CAMSAP2: variants seen among roughly 807,000 people sequenced by gnomAD.
The protein encoded by CAMSAP2 is calmodulin-regulated spectrin-associated protein 2.
Under a neutral mutation model 146.1 loss-of-function variants are expected in CAMSAP2, and 26 were observed. The ratio of observed to expected loss-of-function variants is 0.18; its 90% CI spans 0.13 to 0.25. The LOEUF is 0.25. CAMSAP2 is among the 10% of genes least tolerant of loss of function. The probability of loss-of-function intolerance (pLI) is 1.00; values close to 1 mark genes in which losing one functional copy is unlikely to be tolerated. For synonymous variants in CAMSAP2, 499 were observed against 596.6 expected (o/e 0.84, Z 2.38); for missense variants, 1,381 against 1,759.3 (o/e 0.78, Z 3.85).
intron 2 of CAMSAP2, among the ~76,000 whole-genome samples, chr1:200,766,178 C>G (rs1358591184): frequency 1.4e-5 from 2 of 147,048 alleles, no homozygotes; most frequent in East Asian, 2.0e-4. Context: ...GGATCTCACT[C>G]TGTTGCCCAG....
rs767625939 is a variant in CAMSAP2, at chr1:200,815,634, G to C, written c.635G>C (p.Gly212Ala). The change falls in exon 4 of 17, where the codon GGA becomes GCA. Residue 212 changes from glycine (G) to alanine (A), a missense_variant. By Grantham distance (60) the Gly-to-Ala change is moderately conservative. Coordinates refer to ENST00000358823, the MANE Select transcript of CAMSAP2 (RefSeq NM_203459.4). ...LKEHHTVEAP[G>A]GQKARYRKEQ... is the part of the protein sequence containing the mutation. ...GAACATCACACAGTTGAAGCTCCAG[G>C]AGGTCAAAAGGTATTTATTTCAAAA... 9.0e-6 allele frequency: 14 copies of C among 1,561,534 alleles called. No individual in the cohort carries two copies. The highest frequency in any genetic ancestry group is 1.7e-4 in the Middle Eastern group (1 of 5,880).
chr1:200,762,962 C>T (rs1374693287), intron 2 of CAMSAP2, among the ~76,000 whole-genome samples: 2 of 151,610 alleles, frequency 1.3e-5, no homozygotes, highest in African/African-American at 2.4e-5. Flanking sequence ...TGCAGTGGTG[C>T]GATCTTGGCT....
At chr1:200,745,436 T>C (rs531110855) in intron 1 of CAMSAP2, among the ~76,000 whole-genome samples, 1 of 152,196 alleles carries the variant, frequency 6.6e-6, no homozygotes, top group African/African-American at 2.4e-5. Context: ...TAAGACATAC[T>C]GATTTCACAA....
intron 4 of CAMSAP2, among the ~76,000 whole-genome samples, chr1:200,824,070 T>A (rs1406720141): frequency 6.6e-6 from 1 of 152,196 alleles, no homozygotes; most frequent in African/African-American, 2.4e-5. Flanking sequence ...TTTGAGCACT[T>A]CCTTACTTTC....
intron 2 of CAMSAP2, among the ~76,000 whole-genome samples, chr1:200,786,738 A>C (rs1041543415): frequency 7.9e-5 from 12 of 152,222 alleles, no homozygotes; most frequent in Admixed American, 3.9e-4. Context: ...GATGCCATAT[A>C]GGACTTGCAT....
chr1:200,788,089 C>T (rs1436768659), intron 2 of CAMSAP2, among the ~76,000 whole-genome samples: 1 of 152,100 alleles, frequency 6.6e-6, no homozygotes, highest in Non-Finnish European at 1.5e-5. Flanking sequence ...GGAATGGAAC[C>T]TGCAATATAT....
Position 200,858,922 on chromosome 1 carries a change from A to G in CAMSAP2, c.*863A>G, listed in dbSNP as rs1470975694. 1 of 152,430 alleles carries G rather than the reference A, an allele frequency of 6.6e-6. No homozygotes were observed. The highest frequency in any genetic ancestry group is 2.4e-5 in the African/African-American group (1 of 41,448). The allele number at this position is 152,430 out of a possible 1,614,324, so 9.4% of individuals were successfully genotyped here. A position where few individuals can be genotyped will look rare whatever the true frequency, so the allele number is the denominator to read the frequency against. On this transcript the variant is annotated 3_prime_UTR_variant, in exon 17 of 17. Coordinates refer to ENST00000358823, the MANE Select transcript of CAMSAP2 (RefSeq NM_203459.4). ...CTTTATAAGTTGGCAGAAGTGAATG[A>G]CACTTTGAGAGTAGTCTTTCAATCT... is the stretch of plus-strand genomic sequence containing the variant.
intron 3 of CAMSAP2, among the ~76,000 whole-genome samples, chr1:200,810,119 G>A (rs146407724): frequency 3.9e-5 from 6 of 152,284 alleles, no homozygotes; most frequent in South Asian, 4.1e-4. Flanking sequence ...ACCTGGGAAC[G>A]TGTTAAAATG....
chr1:200,761,517 C>T (rs772986180), intron 2 of CAMSAP2, among the ~76,000 whole-genome samples: 9 of 152,114 alleles, frequency 5.9e-5, no homozygotes, highest in Non-Finnish European at 1.3e-4. Flanking sequence ...GGGCAGATCA[C>T]CTGAGGTCAG....
intron 4 of CAMSAP2, among the ~76,000 whole-genome samples, chr1:200,816,603 A>AT (rs1553288205): frequency 1.4e-4 from 15 of 110,928 alleles, no homozygotes; most frequent in East Asian, 5.3e-4. Flanking sequence ...TCAAAAAAAA[A>AT]AAATATATAT....
At chr1:200,811,751 T>G (rs1666337800) in intron 3 of CAMSAP2, among the ~76,000 whole-genome samples, 1 of 152,160 alleles carries the variant, frequency 6.6e-6, no homozygotes, top group African/African-American at 2.4e-5. Flanking sequence ...TGCTCAAAAC[T>G]CTTCAGTGAC....
chr1:200,777,959 C>T (rs1348704171), intron 2 of CAMSAP2, among the ~76,000 whole-genome samples: 2 of 152,104 alleles, frequency 1.3e-5, no homozygotes, highest in Non-Finnish European at 2.9e-5. Context: ...CTTGTGAGGC[C>T]AGGCACAGTG....
intron 1 of CAMSAP2, among the ~76,000 whole-genome samples, chr1:200,756,486 A>G (rs1158550053): frequency 1.3e-5 from 2 of 152,028 alleles, no homozygotes; most frequent in African/African-American, 4.8e-5. Context: ...AAAAAAAAGT[A>G]AGTGGTGAAA....
chr1:200,848,006 G>T (rs1667505866), intron 10 of CAMSAP2, 26 bp from the exon 11 acceptor site: 1 of 1,408,192 alleles, frequency 7.1e-7, no homozygotes, highest in South Asian at 1.6e-5. Flanking sequence ...ATTTTTAAAG[G>T]ATTTTTCTCT....
At chr1:200,785,298 A>G (rs951180741) in intron 2 of CAMSAP2, among the ~76,000 whole-genome samples, 5 of 151,982 alleles carry the variant, frequency 3.3e-5, no homozygotes, top group Admixed American at 1.3e-4. Context: ...TTTCTGAAAG[A>G]CTTCACTTAG....
At chr1:200,776,550 G>A (rs114848659) in intron 2 of CAMSAP2, among the ~76,000 whole-genome samples, 1,913 of 152,240 alleles carry the variant, frequency 0.013, 16 homozygotes, top group Non-Finnish European at 0.019. Context: ...GGGCAGGCTT[G>A]TGCACAGGAA....
At chr1:200,808,062 A>G (rs552852248) in intron 3 of CAMSAP2, among the ~76,000 whole-genome samples, 1 of 152,260 alleles carries the variant, frequency 6.6e-6, no homozygotes, top group East Asian at 1.9e-4. Flanking sequence ...ATTACTCTTA[A>G]TGATTAATCT....
In CAMSAP2 at chr1:200,847,636, G is replaced by A; in HGVS notation, c.1193-4G>A. 6.2e-7 allele frequency: 1 copy of A among 1,606,628 alleles called. No homozygotes were observed. The highest frequency in any genetic ancestry group is 8.5e-7 in the Non-Finnish European group (1 of 1,177,024). On this transcript the variant is annotated splice_polypyrimidine_tract_variant and splice_region_variant and intron_variant, in intron 9 of 16. Transcript: ENST00000358823. ...CAATGGCTTTTTCTTTTTTGCATTT[G>A]AAGGAGGAATTAGAAGGTCTTCATC...
intron 1 of CAMSAP2, among the ~76,000 whole-genome samples, chr1:200,750,689 A>G (rs1664477664): frequency 6.6e-6 from 1 of 150,644 alleles, no homozygotes; most frequent in African/African-American, 2.4e-5. Context: ...CAATGGCGCA[A>G]TCTCAGCTCA....
Sources: allele counts gnomAD v4.1 joint callset (sites outside exome capture counted in the v4.1 genomes callset), GRCh38; gene constraint gnomAD v4.1.1; transcripts MANE v1.5; gene names NCBI Gene and HGNC (gene_info 2026-07-23, HGNC 2026-07-21).